Variants in LAMTOR3 observed in about 807,000 individuals in gnomAD.
The protein encoded by LAMTOR3 is late endosomal/lysosomal adaptor, MAPK and MTOR activator 3.
A neutral mutation model predicts 20.3 loss-of-function variants in LAMTOR3; 14 were observed. The observed-to-expected ratio is 0.69, with a 90% CI of 0.46 to 1.08. The LOEUF is 1.08. Among genes scored for constraint, LAMTOR3 ranks in the 50% least tolerant of loss-of-function variants. The probability of loss-of-function intolerance (pLI) is 0.00; values close to 1 mark genes in which losing one functional copy is unlikely to be tolerated. For synonymous variants in LAMTOR3, 40 were observed against 49.4 expected, an observed-to-expected ratio of 0.81 and a Z score of 0.80; for missense variants, 125 against 143.7, an observed-to-expected ratio of 0.87 and a Z score of 0.67.
At chr4:99,890,039 A>G (rs6848337) in intron 3 of LAMTOR3, among the ~76,000 whole-genome samples, 68,109 of 151,954 alleles carry the variant, frequency 0.45, 16,385 homozygotes, top group African/African-American at 0.63. Flanking sequence ...AGAGTAATAT[A>G]AATAGAATTT....
intron 6 of LAMTOR3, 60 bp downstream of exon 6, chr4:99,884,002 T>A: frequency 8.6e-7 from 1 of 1,169,140 alleles, no homozygotes. Context: ...TAAGGTATGG[T>A]AATTAAATTA....
intron 5 of LAMTOR3, among the ~76,000 whole-genome samples, chr4:99,885,054 T>C (rs1441358415): frequency 6.6e-6 from 1 of 151,542 alleles, no homozygotes; most frequent in Non-Finnish European, 1.5e-5. Flanking sequence ...CTTAAGAAAA[T>C]GTAGCTTGAG....
intron 2 of LAMTOR3, 123 bp from the exon 3 acceptor site, chr4:99,892,157 T>C: frequency 7.2e-7 from 1 of 1,388,566 alleles, no homozygotes; most frequent in East Asian, 2.9e-5. Context: ...CTGTGTTTTA[T>C]CTTTCTCTGT....
Position 99,881,451 on chromosome 4 carries a change from T to C in LAMTOR3, c.*543A>G, listed in dbSNP as rs1326392132. ...AGAATAATCAAACTGATTAGTAATA[T>C]TCATCTATACTGCAAAATAATATGT... On this transcript the variant is annotated 3_prime_UTR_variant, in exon 7 of 7. Coordinates refer to ENST00000499666, the MANE Select transcript of LAMTOR3 (RefSeq NM_021970.4). 1 of 152,254 alleles carries C rather than the reference T, an allele frequency of 6.6e-6. No homozygotes were observed. The highest frequency in any genetic ancestry group is 1.5e-5 in the Non-Finnish European group (1 of 68,060). 9.4% of individuals were successfully genotyped at this position (152,254 alleles called of 1,614,324 possible).
At position 99,881,787 on chromosome 4, in the gene LAMTOR3, T is replaced by C. The variant is rs952964129; in HGVS notation, c.*207A>G. 5 of 530,778 alleles carry C rather than the reference T, an allele frequency of 9.4e-6. No homozygotes were observed. The African/African-American group carries it at 1.0e-4, about 11-fold the overall frequency. 32.9% of individuals were successfully genotyped at this position (530,778 alleles called of 1,614,324 possible). A position where few individuals can be genotyped will look rare whatever the true frequency, so the allele number is the denominator to read the frequency against. On this transcript the variant is annotated 3_prime_UTR_variant, in exon 7 of 7. Transcript: ENST00000499666. Reference sequence around the variant, plus strand: ...ACCATTTCTGTGGTATCCCTAGATCTCACTAAATAAGAAAGACCCTACACC... The same window carrying C: ...ACCATTTCTGTGGTATCCCTAGATCCCACTAAATAAGAAAGACCCTACACC...
At chr4:99,886,390 T>C (rs1340910038) in intron 4 of LAMTOR3, among the ~76,000 whole-genome samples, 1 of 152,242 alleles carries the variant, frequency 6.6e-6, no homozygotes, top group East Asian at 1.9e-4. Context: ...TGGACGGCAA[T>C]GTCCGAAGAT....
At chr4:99,891,777 C>A (rs78148032) in intron 3 of LAMTOR3, among the ~76,000 whole-genome samples, 1 of 152,084 alleles carries the variant, frequency 6.6e-6, no homozygotes, top group African/African-American at 2.4e-5. Context: ...CTGACACTAT[C>A]GCTCTAGATA....
intron 5 of LAMTOR3, among the ~76,000 whole-genome samples, chr4:99,885,262 G>A (rs1473055525): frequency 1.3e-5 from 2 of 151,980 alleles, no homozygotes; most frequent in African/African-American, 2.4e-5. Context: ...TTTAGCTAAC[G>A]GCACCATCTA....
In LAMTOR3 at chr4:99,887,369, TAGTTAAAATATAAAAAA is replaced by T; in HGVS notation, c.45-32_45-16del. The T allele has an allele frequency of 1.6e-6, 2 of 1,237,772 alleles. No individual in the cohort carries two copies. The highest frequency in any genetic ancestry group is 2.2e-6 in the Non-Finnish European group (2 of 925,192). The allele number at this position is 1,237,772 out of a possible 1,614,324, so 76.7% of individuals were successfully genotyped here. A position where few individuals can be genotyped will look rare whatever the true frequency, so the allele number is the denominator to read the frequency against. On this transcript the variant is annotated splice_polypyrimidine_tract_variant and intron_variant, in intron 3 of 6. Transcript: ENST00000499666. ...GCCCTTCAACACTAGAAAAAGAAAA[TAGTTAAAATATAAAAAA>T]AGTTAAAATATAAAATTTTAAAAAG...
At chr4:99,887,495 C>A (rs1724950939) in intron 3 of LAMTOR3, 141 bp from the exon 4 acceptor site, 1 of 326,540 alleles carries the variant, frequency 3.1e-6, no homozygotes, top group Non-Finnish European at 5.5e-6. Flanking sequence ...AAACCACAGA[C>A]CCCAAAATTC....
intron 4 of LAMTOR3, among the ~76,000 whole-genome samples, chr4:99,886,200 T>C (rs1398726538): frequency 6.6e-6 from 1 of 152,168 alleles, no homozygotes; most frequent in African/African-American, 2.4e-5. Flanking sequence ...TGAAGAATAT[T>C]AGAGCTGGAA....
intron 2 of LAMTOR3, among the ~76,000 whole-genome samples, chr4:99,893,375 G>C (rs1363557060): frequency 6.6e-6 from 1 of 152,004 alleles, no homozygotes; most frequent in Non-Finnish European, 1.5e-5. Context: ...GACAATTTAG[G>C]TATCAATTTT....
chr4:99,883,707 A>G (rs1338585193), intron 6 of LAMTOR3, among the ~76,000 whole-genome samples: 1 of 150,198 alleles, frequency 6.7e-6, no homozygotes, highest in African/African-American at 2.5e-5. Flanking sequence ...GGTTATCTTC[A>G]CCTTGTTTTC....
In LAMTOR3 at chr4:99,893,916, C is replaced by G. The variant is rs1472448650; in HGVS notation, c.9+39G>C. 3 of 1,431,560 alleles carry G rather than the reference C, an allele frequency of 2.1e-6. No individual in the cohort carries two copies. The African/African-American group carries it at 4.4e-5, about 21-fold the overall frequency. 88.7% of individuals were successfully genotyped at this position (1,431,560 alleles called of 1,614,324 possible). On this transcript the variant is annotated intron_variant, in intron 2 of 6. Transcript: ENST00000499666. ...CCGCTCAGTATGCCCCTCAAAATTCCCCACTCTCCCCTTCCTCTTATGTAG... is the reference window on the plus strand; with the variant it reads ...CCGCTCAGTATGCCCCTCAAAATTCGCCACTCTCCCCTTCCTCTTATGTAG...
rs764582961 is a variant in LAMTOR3 at position 99,881,968 on chromosome 4, A to AG, written c.*25dup. 315 of 1,426,018 alleles carry AG rather than the reference A, an allele frequency of 2.2e-4. 1 individual carries two copies. The highest frequency in any genetic ancestry group is 3.0e-4 in the Non-Finnish European group (303 of 1,012,852). The allele number at this position is 1,426,018 out of a possible 1,614,324, so 88.3% of individuals were successfully genotyped here. A position where few individuals can be genotyped will look rare whatever the true frequency, so the allele number is the denominator to read the frequency against. On this transcript the variant is annotated 3_prime_UTR_variant, in exon 7 of 7. Transcript: ENST00000499666. The stretch of plus-strand genomic sequence containing the variant: ...ATATTGTGTTGTTATAATGAAGATA[A>AG]GGTACACACTGAAACCACTGTCAGA...
intron 6 of LAMTOR3, among the ~76,000 whole-genome samples, chr4:99,882,385 T>G (rs1239211013): frequency 6.6e-6 from 1 of 152,168 alleles, no homozygotes; most frequent in Non-Finnish European, 1.5e-5. Context: ...GACTTTAGAA[T>G]GTTTTGGATT....
chr4:99,891,723 TAGAA>T (rs1560722103), intron 3 of LAMTOR3, among the ~76,000 whole-genome samples: 1 of 152,102 alleles, frequency 6.6e-6, no homozygotes, highest in Non-Finnish European at 1.5e-5. Context: ...GAATTTCAAA[TAGAA>T]AGTAAAGAAT....
chr4:99,889,872 T>C (rs1404619619), intron 3 of LAMTOR3, among the ~76,000 whole-genome samples: 1 of 152,176 alleles, frequency 6.6e-6, no homozygotes, highest in Non-Finnish European at 1.5e-5. Context: ...TAAATACAAC[T>C]AATGCTCCAA....
intron 1 of LAMTOR3, 105 bp from the exon 2 acceptor site, chr4:99,894,105 C>T: frequency 1.4e-6 from 1 of 696,990 alleles, no homozygotes; most frequent in South Asian, 3.4e-5. Flanking sequence ...GGTAAAACCC[C>T]CGCGGTTCTA....
Sources: allele counts gnomAD v4.1 joint callset (sites outside exome capture counted in the v4.1 genomes callset), GRCh38; gene constraint gnomAD v4.1.1; transcripts MANE v1.5; gene names NCBI Gene and HGNC (gene_info 2026-07-23, HGNC 2026-07-21).